Variants in MRPL45 observed in about 807,000 individuals in gnomAD.
MRPL45 encodes the protein large ribosomal subunit protein mL45.
Under a neutral mutation model 38.1 loss-of-function variants are expected in MRPL45, and 20 were observed. The observed-to-expected ratio is 0.53, with a 90% CI of 0.37 to 0.76. The LOEUF is 0.76. Among genes scored for constraint, MRPL45 ranks in the 30% least tolerant of loss-of-function variants. The probability of loss-of-function intolerance (pLI) is 0.00; values close to 1 mark genes in which losing one functional copy is unlikely to be tolerated. For missense variants in MRPL45, 337 were observed against 395.6 expected (o/e 0.85, Z 1.26); for synonymous variants, 105 against 128.8 (o/e 0.82, Z 1.25).
chr17:38,318,117 A>G (rs1471497513), intron 4 of MRPL45, among the ~76,000 whole-genome samples: 1 of 149,676 alleles, frequency 6.7e-6, no homozygotes, highest in Non-Finnish European at 1.5e-5. Context: ...CTGAGGCAGG[A>G]GAACCGCTTG....
At chr17:38,300,043 T>TATTC (rs1336204857) in intron 3 of MRPL45, among the ~76,000 whole-genome samples, 1 of 149,734 alleles carries the variant, frequency 6.7e-6, no homozygotes, top group African/African-American at 2.5e-5. Flanking sequence ...CCCAGCCCTT[T>TATTC]ATTTATTTAT....
In MRPL45 at chr17:38,299,464, G is replaced by T; in HGVS notation, c.358G>T (p.Val120Leu). ...ERMKKTMASQ[V>L]SIRRIKDYDA... is the part of the protein sequence containing the mutation. ...AATGAAGAAGACTATGGCATCACAA[G>T]TGTCGTAGGTGTCTGAGACAATTGG... The change falls in exon 3 of 8, where the codon GTG becomes TTG. Residue 120 changes from valine (V) to leucine (L), a missense_variant. Around this residue, in one of 3 missense-constraint regions of MRPL45, gnomAD observed 251 missense variants for 269.1 expected, o/e 0.93. Coordinates refer to ENST00000613675, the MANE Select transcript of MRPL45 (RefSeq NM_032351.6). 3 of 1,587,938 alleles carry T rather than the reference G, an allele frequency of 1.9e-6. No homozygotes were observed. Among genetic ancestry groups the T allele is most frequent in the Non-Finnish European group, 1.7e-6 (2 of 1,174,162 alleles).
intron 4 of MRPL45, among the ~76,000 whole-genome samples, chr17:38,317,020 TCTC>T (rs1567717754): frequency 6.6e-6 from 1 of 151,988 alleles, no homozygotes; most frequent in East Asian, 1.9e-4. Context: ...ATGGTCTTGA[TCTC>T]CTGACCTCGT....
At position 38,313,309 on chromosome 17, in the gene MRPL45, A is replaced by AT. The variant is rs1555561983; in HGVS notation, c.462-5378_462-5377insT. Among the ~76,000 whole-genome samples, 20 of 19,616 alleles carry AT rather than the reference A, an allele frequency of 1.0e-3. 1 individual carries two copies. Among genetic ancestry groups the AT allele is most frequent in the East Asian group, 4.6e-3 (3 of 658 alleles). 12.9% of individuals were successfully genotyped at this position (19,616 alleles called of 152,430 possible). On this transcript the variant is annotated intron_variant, in intron 4 of 7. Transcript: ENST00000613675. ...CTTTCCTTTCTATTAAAAAAAAAAA[A>AT]AAATATATATATATATATATATACA...
chr17:38,303,537 A>T (rs1447030233), intron 3 of MRPL45, among the ~76,000 whole-genome samples: 2 of 151,062 alleles, frequency 1.3e-5, no homozygotes, highest in Admixed American at 6.6e-5. Flanking sequence ...CTCATTATCT[A>T]CCTGCCTCAG....
chr17:38,314,356 G>A (rs1197051248), intron 4 of MRPL45, among the ~76,000 whole-genome samples: 2 of 151,234 alleles, frequency 1.3e-5, no homozygotes, highest in African/African-American at 2.4e-5. Context: ...CACCTGCCTC[G>A]GCCTCCCAAA....
intron 3 of MRPL45, among the ~76,000 whole-genome samples, chr17:38,304,432 C>T (rs568690952): frequency 1.3e-5 from 2 of 152,308 alleles, no homozygotes; most frequent in South Asian, 4.1e-4. Context: ...GCCCTGATGG[C>T]GTCACTGTAC....
At position 38,302,505 on chromosome 17, in the gene MRPL45, A is replaced by T. The variant is rs1386922071; in HGVS notation, c.362+3037A>T. 2.0e-4 allele frequency among the ~76,000 whole-genome samples: 10 copies of T among 50,652 alleles called. 1 individual carries two copies. The highest frequency in any genetic ancestry group is 2.2e-3 in the South Asian group (2 of 930). The allele number at this position is 50,652 out of a possible 152,430, so 33.2% of individuals were successfully genotyped here. The stretch of plus-strand genomic sequence containing the variant: ...CCATCTCAAAAAAAAAAAAAAAAAA[A>T]GTTTGTTTTTTTTTTTTTTTTTTAG... On this transcript the variant is annotated intron_variant, in intron 3 of 7. Coordinates refer to ENST00000613675, the MANE Select transcript of MRPL45 (RefSeq NM_032351.6).
chr17:38,318,493 G>C lies in MRPL45; in HGVS notation c.462-194G>C, dbSNP rs190174718. Among the ~76,000 whole-genome samples the C allele has an allele frequency of 4.8e-4, 72 of 148,636 alleles. No individual in the cohort carries two copies. In the East Asian group the frequency reaches 0.012, roughly 25 times the overall value. On this transcript the variant is annotated intron_variant, in intron 4 of 7. Coordinates refer to ENST00000613675, the MANE Select transcript of MRPL45 (RefSeq NM_032351.6). The stretch of plus-strand genomic sequence containing the variant: ...AATTTTATTCTGCTACTAGATCTTA[G>C]GGTTTTCTGGTAAATCACATTATTG...
Position 38,319,964 on chromosome 17 carries a change from G to A in MRPL45, c.511-654G>A, listed in dbSNP as rs144338617. 1.1e-3 allele frequency among the ~76,000 whole-genome samples: 162 copies of A among 152,288 alleles called. 2 individuals are homozygous for A. The East Asian group carries it at 0.016, about 15-fold the overall frequency. On this transcript the variant is annotated intron_variant, in intron 5 of 7. Transcript: ENST00000613675. ...GAAAATACAGAAAAATTAGCCGGGC[G>A]TGGTGGCGGGCGCCAGTAGTCCCAG...
rs1231259516 is a variant in MRPL45, at chr17:38,322,220, T to C, written c.755T>C (p.Leu252Ser). Residue 252 changes from leucine to serine, a missense_variant, in exon 7 of 8, where the codon TTG becomes TCG. Leu to Ser is a moderately radical substitution (Grantham distance 145, BLOSUM62 -2). This residue lies in a region of MRPL45 where 251 missense variants were observed against 269.1 expected (regional missense o/e 0.93). Transcript: ENST00000613675. Reference sequence around the variant, plus strand: ...GAGTATGTTGTATTCGAAAAGCAGTTGACAAACCCCTATGGAAGCTGGAGA... The same window carrying C: ...GAGTATGTTGTATTCGAAAAGCAGTCGACAAACCCCTATGGAAGCTGGAGA... ...VLEYVVFEKQLTNPYGSWRMH... is the reference protein window; with the variant it reads ...VLEYVVFEKQSTNPYGSWRMH... 2 of 1,614,078 alleles carry C rather than the reference T, an allele frequency of 1.2e-6. No individual in the cohort carries two copies. The highest frequency in any genetic ancestry group is 1.7e-6 in the Non-Finnish European group (2 of 1,179,996).
chr17:38,297,245 G>A lies in MRPL45; in HGVS notation c.62G>A (p.Arg21Gln). The part of the protein sequence containing the change: ...CLSRFLGWWS[R>Q]QPVLVTQSAA... ...TCGAGGTTTTTGGGCTGGTGGTCTC[G>A]GCAGGTGGGTAGGGACGGGGCCGAT... The change falls in exon 1 of 8, where the codon CGG becomes CAG. Residue 21 changes from arginine (R) to glutamine (Q), a missense_variant. By Grantham distance (43) the Arg-to-Gln change is conservative. Transcript: ENST00000613675. 6.2e-7 allele frequency: 1 copy of A among 1,614,128 alleles called. No individual in the cohort carries two copies. Among genetic ancestry groups the A allele is most frequent in the Non-Finnish European group, 8.5e-7 (1 of 1,180,004 alleles).
At chr17:38,322,343 T>A in intron 7 of MRPL45, 44 bp downstream of exon 7, 3 of 1,586,572 alleles carry the variant, frequency 1.9e-6, no homozygotes, top group Non-Finnish European at 2.6e-6. Flanking sequence ...GCACTACTCG[T>A]GGTCTCCTAA....
At chr17:38,305,720 G>A (rs1432769437) in intron 3 of MRPL45, among the ~76,000 whole-genome samples, 1 of 148,294 alleles carries the variant, frequency 6.7e-6, no homozygotes, top group African/African-American at 2.5e-5. Flanking sequence ...TCTGCTCACT[G>A]CAACCTCTGC....
intron 4 of MRPL45, among the ~76,000 whole-genome samples, chr17:38,317,724 A>C (rs149107800): frequency 6.6e-6 from 1 of 151,818 alleles, no homozygotes; most frequent in Non-Finnish European, 1.5e-5. Context: ...GGCGCCTGCT[A>C]CTACTCTCGG....
chr17:38,311,729 C>T (rs1158808255), intron 4 of MRPL45, among the ~76,000 whole-genome samples: 1 of 151,714 alleles, frequency 6.6e-6, no homozygotes, highest in Admixed American at 6.6e-5. Context: ...CTTGTGCACC[C>T]CTTCCACCCA....
chr17:38,318,895 T>G (rs2037202013), intron 5 of MRPL45, among the ~76,000 whole-genome samples, 160 bp downstream of exon 5: 1 of 150,730 alleles, frequency 6.6e-6, no homozygotes, highest in Admixed American at 6.6e-5. Context: ...TGGTGCGATC[T>G]TGGCTCACCG....
intron 4 of MRPL45, among the ~76,000 whole-genome samples, chr17:38,311,684 CAAAA>C (rs756151374): frequency 3.3e-5 from 3 of 92,284 alleles, no homozygotes; most frequent in African/African-American, 1.1e-4. Context: ...GACTCCGTCT[CAAAA>C]AAAAAAAAAA....
chr17:38,310,853 C>T (rs934531409), intron 4 of MRPL45, among the ~76,000 whole-genome samples: 2 of 152,048 alleles, frequency 1.3e-5, no homozygotes, highest in African/African-American at 4.8e-5. Flanking sequence ...CGAACTCTGG[C>T]CTCAAGCAGT....
Sources: gnomAD v4.1 joint callset for allele counts (sites outside exome capture counted in the v4.1 genomes callset) on GRCh38, gnomAD v4.1.1 for gene constraint, gnomAD v4.1.1 regional missense constraint, MANE v1.5 for transcripts, NCBI Gene and HGNC (gene_info 2026-07-23, HGNC 2026-07-21) for gene names.